Variants in ADAMTS18 observed in about 807,000 individuals in gnomAD.
ADAMTS18 encodes the protein A disintegrin and metalloproteinase with thrombospondin motifs 18.
A neutral mutation model predicts 165.9 loss-of-function variants in ADAMTS18; 157 were observed. The ratio of observed to expected loss-of-function variants is 0.95; its 90% CI spans 0.83 to 1.08. The LOEUF (loss-of-function observed/expected upper bound fraction) is 1.08. Ranked by LOEUF, ADAMTS18 falls within the 50% of genes least tolerant of loss-of-function variation. The pLI, the probability that ADAMTS18 is intolerant of heterozygous loss-of-function variation, is 0.00. For missense variants in ADAMTS18, 2,040 were observed against 1,534.0 expected (o/e 1.33, Z -5.51); for synonymous variants, 782 against 578.2 (o/e 1.35, Z -5.06).
intron 8 of ADAMTS18, among the ~76,000 whole-genome samples, chr16:77,358,679 C>T (rs2056667758): frequency 6.6e-6 from 1 of 152,138 alleles, no homozygotes; most frequent in African/African-American, 2.4e-5. Context: ...GAGTTATTTC[C>T]TGTATGTTGA....
chr16:77,424,286 T>C (rs1229598907), intron 3 of ADAMTS18, among the ~76,000 whole-genome samples: 2 of 152,096 alleles, frequency 1.3e-5, no homozygotes, highest in Non-Finnish European at 2.9e-5. Flanking sequence ...CTGACCAACA[T>C]GGAGAAACCC....
intron 3 of ADAMTS18, among the ~76,000 whole-genome samples, chr16:77,429,615 T>A (rs2057714811): frequency 6.6e-6 from 1 of 152,180 alleles, no homozygotes; most frequent in Admixed American, 6.5e-5. Context: ...AAAAACATCA[T>A]GAAATCTTCA....
Position 77,282,477 on chromosome 16 carries a change from A to AACTC in ADAMTS18, c.*1475_*1478dup, listed in dbSNP as rs1220683851. 6.6e-5 allele frequency: 10 copies of AACTC among 152,506 alleles called. No homozygotes were observed. Among genetic ancestry groups the AACTC allele is most frequent in the Admixed American group, 2.0e-4 (3 of 15,268 alleles). The allele number at this position is 152,506 out of a possible 1,614,324, so 9.4% of individuals were successfully genotyped here. On this transcript the variant is annotated 3_prime_UTR_variant, in exon 23 of 23. Transcript: ENST00000282849. ...AAGCATTATTTCTCTGGGATTCAAG[A>AACTC]ACTCATGACTTTAATTAGAATGGGA...
rs913634392 is a variant in ADAMTS18, at chr16:77,364,042, C to G, written c.972+146G>C. The G allele has an allele frequency of 7.8e-6, 10 of 1,276,644 alleles. No homozygotes were observed. In the African/African-American group the frequency reaches 1.2e-4, roughly 15 times the overall value. 79.1% of individuals were successfully genotyped at this position (1,276,644 alleles called of 1,614,324 possible). A position where few individuals can be genotyped will look rare whatever the true frequency, so the allele number is the denominator to read the frequency against. On this transcript the variant is annotated intron_variant, in intron 5 of 22. Transcript: ENST00000282849. ...CAAAACTCAACTTAAAAAAATAAAA[C>G]CACATATGTAGCTATTAAAAGTAAT...
Position 77,297,223 on chromosome 16 carries a change from T to A in ADAMTS18, c.2801+66A>T, listed in dbSNP as rs554858427. 2.5e-6 allele frequency: 4 copies of A among 1,595,108 alleles called. No homozygotes were observed. The South Asian group carries it at 4.4e-5, about 18-fold the overall frequency. On this transcript the variant is annotated intron_variant, in intron 18 of 22. Coordinates refer to ENST00000282849, the MANE Select transcript of ADAMTS18 (RefSeq NM_199355.4). The stretch of plus-strand genomic sequence containing the variant: ...CAGTATTCACAGTGAGCTTTCATCA[T>A]CTCATAACAACAATGAAGGCATACA...
At position 77,294,077 on chromosome 16, in the gene ADAMTS18, G is replaced by T. The variant is rs149784131; in HGVS notation, c.3007-819C>A. 7.8e-4 allele frequency among the ~76,000 whole-genome samples: 118 copies of T among 151,180 alleles called. 1 individual carries two copies. The highest frequency in any genetic ancestry group is 1.1e-3 in the Non-Finnish European group (71 of 67,570). ...GTAATATACGCTAAAGGAAAACACA[G>T]AAGAACTGTCATCAGTGGCTGCTAC... On this transcript the variant is annotated intron_variant, in intron 19 of 22. Coordinates refer to ENST00000282849, the MANE Select transcript of ADAMTS18 (RefSeq NM_199355.4).
chr16:77,415,395 C>T (rs1254601220), intron 3 of ADAMTS18, among the ~76,000 whole-genome samples: 1 of 152,166 alleles, frequency 6.6e-6, no homozygotes, highest in Non-Finnish European at 1.5e-5. Context: ...ACCCACAGTA[C>T]TTTAATTTCA....
At chr16:77,368,197 A>C (rs1255892687) in intron 3 of ADAMTS18, among the ~76,000 whole-genome samples, 1 of 152,138 alleles carries the variant, frequency 6.6e-6, no homozygotes, top group Non-Finnish European at 1.5e-5. Flanking sequence ...AGAAAATTGA[A>C]GCTAAGATAG....
chr16:77,358,361 T>C (rs909065745), intron 8 of ADAMTS18, among the ~76,000 whole-genome samples: 3 of 152,088 alleles, frequency 2.0e-5, no homozygotes, highest in African/African-American at 4.8e-5. Context: ...AGATCACCTG[T>C]AGTCAGCATG....
At chr16:77,357,831 T>A (rs2056653791) in intron 8 of ADAMTS18, among the ~76,000 whole-genome samples, 1 of 152,226 alleles carries the variant, frequency 6.6e-6, no homozygotes, top group African/African-American at 2.4e-5. Context: ...GGTATGTATT[T>A]TATTTTACCA....
intron 10 of ADAMTS18, among the ~76,000 whole-genome samples, chr16:77,352,260 A>G (rs2056567016): frequency 6.6e-6 from 1 of 150,756 alleles, no homozygotes; most frequent in South Asian, 2.1e-4. Flanking sequence ...TTTCTAGAAA[A>G]GCAATAAATG....
rs186208858 is a variant in ADAMTS18 at position 77,412,358 on chromosome 16, C to T, written c.495+18937G>A. 5.5e-4 allele frequency among the ~76,000 whole-genome samples: 83 copies of T among 152,120 alleles called. 1 individual carries two copies. The highest frequency in any genetic ancestry group is 1.8e-3 in the African/African-American group (75 of 41,514). On this transcript the variant is annotated intron_variant, in intron 3 of 22. Coordinates refer to ENST00000282849, the MANE Select transcript of ADAMTS18 (RefSeq NM_199355.4). ...AATTTCTTTTTTTGAGACAGGGTCTCGCTGTAACTCAGGCTAGAGTACAGT... is the reference window on the plus strand; with the variant it reads ...AATTTCTTTTTTTGAGACAGGGTCTTGCTGTAACTCAGGCTAGAGTACAGT...
Position 77,295,101 on chromosome 16 carries a change from C to G in ADAMTS18, c.2828G>C (p.Cys943Ser). The G allele has an allele frequency of 6.2e-7, 1 of 1,614,184 alleles. No homozygotes were observed. Reference sequence around the variant, plus strand: ...CTGGCCTCCAGCACAGGCCTTGCTGCATGTACTCCATTCACCTGGCATCCA... The same window carrying G: ...CTGGCCTCCAGCACAGGCCTTGCTGGATGTACTCCATTCACCTGGCATCCA... Reference protein sequence around the residue: ...AYWMPGEWSTCSKACAGGQQS... With the variant: ...AYWMPGEWSTSSKACAGGQQS... The change falls in exon 19 of 23, where the codon TGC becomes TCC. Residue 943 changes from cysteine (C) to serine (S), a missense_variant. By Grantham distance (112) the Cys-to-Ser change is moderately radical. Coordinates refer to ENST00000282849, the MANE Select transcript of ADAMTS18 (RefSeq NM_199355.4).
chr16:77,301,404 T>C (rs2055580126), intron 16 of ADAMTS18, among the ~76,000 whole-genome samples: 1 of 152,246 alleles, frequency 6.6e-6, no homozygotes, highest in Admixed American at 6.5e-5. Flanking sequence ...GTTTTTGATG[T>C]AGGAAAAGCA....
chr16:77,312,542 C>CA (rs1480609798), intron 16 of ADAMTS18, among the ~76,000 whole-genome samples: 4 of 151,964 alleles, frequency 2.6e-5, no homozygotes, highest in Non-Finnish European at 2.9e-5. Context: ...TCGGCCGTCT[C>CA]AAAAAAAACT....
Position 77,328,609 on chromosome 16 carries a change from G to A in ADAMTS18, c.1860-2571C>T, listed in dbSNP as rs187628701. 7.9e-5 allele frequency among the ~76,000 whole-genome samples: 12 copies of A among 152,266 alleles called. No individual in the cohort carries two copies. The East Asian group carries it at 2.3e-3, about 29-fold the overall frequency. On this transcript the variant is annotated intron_variant, in intron 12 of 22. Coordinates refer to ENST00000282849, the MANE Select transcript of ADAMTS18 (RefSeq NM_199355.4). ...TCAAATCCCTGAAGACTTCTTAAAT[G>A]ATTATCTGAAAAGCACTTAGAAAAA...
chr16:77,409,994 A>G (rs2057440637), intron 3 of ADAMTS18, among the ~76,000 whole-genome samples: 1 of 152,148 alleles, frequency 6.6e-6, no homozygotes, highest in African/African-American at 2.4e-5. Context: ...CTGGGGGACA[A>G]TTACATATAG....
chr16:77,382,897 C>T (rs141440460), intron 3 of ADAMTS18, among the ~76,000 whole-genome samples: 15 of 152,288 alleles, frequency 9.8e-5, no homozygotes, highest in African/African-American at 4.8e-5. Context: ...CCTTGGAAAG[C>T]GGCGGCTTGA....
rs753077462 is a variant in ADAMTS18 at position 77,320,626 on chromosome 16, A to G, written c.2287+453T>C. Among the ~76,000 whole-genome samples the G allele has an allele frequency of 7.0e-5, 6 of 85,238 alleles. 1 individual carries two copies. The highest frequency in any genetic ancestry group is 1.5e-4 in the Admixed American group (1 of 6,470). The allele number at this position is 85,238 out of a possible 152,430, so 55.9% of individuals were successfully genotyped here. ...TGCACTCCAGCCTGGGTGACAGAGC[A>G]AGACTCTGTCTCAAAAAAAAAAAAT... On this transcript the variant is annotated intron_variant, in intron 15 of 22. Coordinates refer to ENST00000282849, the MANE Select transcript of ADAMTS18 (RefSeq NM_199355.4).
Sources: allele counts gnomAD v4.1 joint callset (sites outside exome capture counted in the v4.1 genomes callset), GRCh38; gene constraint gnomAD v4.1.1; transcripts MANE v1.5; gene names NCBI Gene and HGNC (gene_info 2026-07-23, HGNC 2026-07-21).